Variants in CEP128 observed in about 807,000 individuals in gnomAD.
CEP128 encodes the protein centrosomal protein 128kDa.
Under a neutral mutation model 156.7 loss-of-function variants are expected in CEP128, and 132 were observed. The ratio of observed to expected loss-of-function variants is 0.84; its 90% CI spans 0.73 to 0.97. The LOEUF is 0.97. CEP128 is among the 50% of genes least tolerant of loss of function. The pLI, the probability that CEP128 is intolerant of heterozygous loss-of-function variation, is 0.00. For missense variants in CEP128, 1,252 were observed against 1,281.9 expected (o/e 0.98, Z 0.36); for synonymous variants, 469 against 448.9 (o/e 1.04, Z -0.57).
At chr14:80,836,849 T>C (rs963831441) in intron 11 of CEP128, among the ~76,000 whole-genome samples, 2 of 152,314 alleles carry the variant, frequency 1.3e-5, no homozygotes, top group Admixed American at 1.3e-4. Flanking sequence ...ACTGCCAAAT[T>C]ACCTAGCACA....
chr14:80,793,147 C>T (rs1396303790), intron 13 of CEP128, 37 bp from the exon 14 acceptor site: 9 of 1,535,014 alleles, frequency 5.9e-6, no homozygotes, highest in Non-Finnish European at 8.0e-6. Context: ...GGAACAAATC[C>T]TTGTCAAAAT....
chr14:80,949,544 A>G (rs1165255247), intron 2 of CEP128, among the ~76,000 whole-genome samples: 8 of 152,184 alleles, frequency 5.3e-5, no homozygotes. Flanking sequence ...TCCTCCCACC[A>G]GCCAGATTTG....
chr14:80,954,730 T>G (rs936482227), intron 2 of CEP128, among the ~76,000 whole-genome samples: 2 of 152,224 alleles, frequency 1.3e-5, no homozygotes, highest in African/African-American at 4.8e-5. Flanking sequence ...CAATCTGATT[T>G]ATGTTTGTAA....
chr14:80,546,154 T>C (rs1594979335), intron 21 of CEP128, among the ~76,000 whole-genome samples: 3 of 152,354 alleles, frequency 2.0e-5, no homozygotes, highest in South Asian at 4.1e-4. Context: ...ACTGCTGTTG[T>C]GGCTGGTAAA....
intron 14 of CEP128, among the ~76,000 whole-genome samples, chr14:80,789,407 G>A (rs769448890): frequency 2.6e-5 from 4 of 152,100 alleles, no homozygotes; most frequent in Non-Finnish European, 4.4e-5. Context: ...GAAATTAGAC[G>A]CTGAAGTAGA....
intron 23 of CEP128, among the ~76,000 whole-genome samples, chr14:80,522,006 T>A (rs1432102122): frequency 5.9e-5 from 9 of 152,236 alleles, no homozygotes; most frequent in Admixed American, 5.9e-4. Context: ...TATCAAAGCA[T>A]GGAGTAGTTA....
chr14:80,749,962 A>G (rs931948533), intron 18 of CEP128, among the ~76,000 whole-genome samples: 2 of 152,212 alleles, frequency 1.3e-5, no homozygotes, highest in Admixed American at 6.5e-5. Flanking sequence ...ATCTGAAGGA[A>G]TACATTTTAA....
intron 15 of CEP128, among the ~76,000 whole-genome samples, chr14:80,784,093 A>C (rs1212507797): frequency 3.3e-5 from 5 of 152,174 alleles, no homozygotes; most frequent in African/African-American, 2.4e-5. Flanking sequence ...TTAACCTTCA[A>C]AGATTTATCC....
intron 17 of CEP128, 126 bp from the exon 18 acceptor site, chr14:80,757,077 G>C: frequency 1.6e-6 from 1 of 625,414 alleles, no homozygotes; most frequent in Non-Finnish European, 2.8e-6. Flanking sequence ...AAGAAAAATT[G>C]TTGCCCCAAA....
At chr14:80,953,185 CAAAGA>C (rs148847472) in intron 2 of CEP128, among the ~76,000 whole-genome samples, 8,616 of 152,182 alleles carry the variant, frequency 0.057, 777 homozygotes, top group African/African-American at 0.2. Context: ...CAAAATTTGA[CAAAGA>C]AGTTACAGAA....
At chr14:80,946,482 A>C (rs1255249046), upstream of CEP128, among the ~76,000 whole-genome samples, 2 of 152,008 alleles carry the variant, frequency 1.3e-5, no homozygotes. Flanking sequence ...CCAGCCTGTA[A>C]GATCCAAGAT....
At chr14:80,764,269 C>A (rs442359) in intron 16 of CEP128, among the ~76,000 whole-genome samples, 2,036 of 152,068 alleles carry the variant, frequency 0.013, 53 homozygotes, top group African/African-American at 0.047. Context: ...GAGGCCGAGG[C>A]GGGTGGATCA....
intron 19 of CEP128, among the ~76,000 whole-genome samples, chr14:80,673,417 G>A (rs1300260890): frequency 1.3e-5 from 2 of 151,606 alleles, no homozygotes; most frequent in Non-Finnish European, 2.9e-5. Flanking sequence ...GCCGAGGCGG[G>A]CGGATCACGA....
intron 2 of CEP128, among the ~76,000 whole-genome samples, chr14:80,931,227 T>G (rs146256401): frequency 2.0e-4 from 30 of 152,346 alleles, no homozygotes; most frequent in African/African-American, 7.2e-4. Context: ...TTGGTCATTT[T>G]GTGTTGGTAT....
intron 19 of CEP128, among the ~76,000 whole-genome samples, chr14:80,723,776 T>C (rs1019556486): frequency 3.9e-5 from 6 of 152,196 alleles, no homozygotes; most frequent in Non-Finnish European, 5.9e-5. Flanking sequence ...TTTTAAGGTC[T>C]TAATTGGCTG....
intron 18 of CEP128, among the ~76,000 whole-genome samples, chr14:80,746,618 G>A (rs1468559242): frequency 6.6e-6 from 1 of 152,150 alleles, no homozygotes; most frequent in African/African-American, 2.4e-5. Flanking sequence ...AAATGTTAAA[G>A]AGCTGAAACT....
chr14:80,810,351 A>G (rs1275618133), intron 13 of CEP128, among the ~76,000 whole-genome samples: 1 of 146,394 alleles, frequency 6.8e-6, no homozygotes, highest in Non-Finnish European at 1.5e-5. Flanking sequence ...AAAAAAAAGA[A>G]TATACAAAAC....
At chr14:80,665,659 C>T (rs556541026) in intron 19 of CEP128, among the ~76,000 whole-genome samples, 45 of 152,066 alleles carry the variant, frequency 3.0e-4, no homozygotes, top group African/African-American at 1.1e-3. Context: ...TAAACAACTG[C>T]TCTTTATTCC....
At chr14:80,706,351 A>G (rs776181179) in intron 19 of CEP128, among the ~76,000 whole-genome samples, 5 of 152,138 alleles carry the variant, frequency 3.3e-5, no homozygotes, top group Admixed American at 6.6e-5. Flanking sequence ...TATTTACAAT[A>G]TCACAATCAG....
Sources: allele counts gnomAD v4.1 joint callset (sites outside exome capture counted in the v4.1 genomes callset), GRCh38; gene constraint gnomAD v4.1.1; transcripts MANE v1.5; gene names NCBI Gene and HGNC (gene_info 2026-07-23, HGNC 2026-07-21).